Variants in MPPED1 observed in about 807,000 individuals in gnomAD.
The protein encoded by MPPED1 is metallophosphoesterase domain containing 1, also known as metallophosphoesterase domain-containing protein 1.
In MPPED1, 16 loss-of-function variants were observed where a neutral mutation model predicts 36.2. That is an observed-to-expected ratio of 0.44 (90% CI 0.30 to 0.67). The LOEUF is 0.67. Among genes scored for constraint, MPPED1 ranks in the 30% least tolerant of loss-of-function variants. MPPED1 has a pLI of 0.10. For missense variants in MPPED1, 307 were observed against 453.4 expected, an observed-to-expected ratio of 0.68 and a Z score of 2.93; for synonymous variants, 199 against 191.3, an observed-to-expected ratio of 1.04 and a Z score of -0.33.
chr22:43,469,655 A>G (rs938577495), intron 3 of MPPED1, among the ~76,000 whole-genome samples: 1 of 152,196 alleles, frequency 6.6e-6, no homozygotes, highest in Admixed American at 6.5e-5. Flanking sequence ...TAATTGGAGA[A>G]GATTCAGAGA....
chr22:43,500,665 A>G (rs73170014), intron 5 of MPPED1, among the ~76,000 whole-genome samples: 4,825 of 151,372 alleles, frequency 0.032, 100 homozygotes, highest in South Asian at 0.052. Flanking sequence ...ACCCACCATC[A>G]CTCCCTCAGT....
chr22:43,451,557 T>C (rs1930569007), intron 3 of MPPED1, among the ~76,000 whole-genome samples: 1 of 152,256 alleles, frequency 6.6e-6, no homozygotes, highest in Non-Finnish European at 1.5e-5. Context: ...TGGGCTGGTT[T>C]GACAGCCACG....
At chr22:43,494,477 C>T (rs1396944208) in intron 4 of MPPED1, among the ~76,000 whole-genome samples, 1 of 152,176 alleles carries the variant, frequency 6.6e-6, no homozygotes, top group East Asian at 1.9e-4. Context: ...TTTCTACCTC[C>T]ATTGTCACCT....
chr22:43,435,274 G>A (rs986098233), intron 3 of MPPED1, 59 bp downstream of exon 3: 26 of 1,522,726 alleles, frequency 1.7e-5, no homozygotes, highest in Non-Finnish European at 2.3e-5. Flanking sequence ...GCTCCCGCCA[G>A]CTCCCGAGGC....
intron 3 of MPPED1, among the ~76,000 whole-genome samples, chr22:43,467,888 G>A (rs2146876838): frequency 6.6e-6 from 1 of 152,352 alleles, no homozygotes; most frequent in African/African-American, 2.4e-5. Context: ...GAATTTAACA[G>A]ATTATGCAGT....
chr22:43,500,296 T>TGGTGATGGG (rs1932666819), intron 5 of MPPED1, among the ~76,000 whole-genome samples: 3 of 135,514 alleles, frequency 2.2e-5, no homozygotes, highest in Admixed American at 7.3e-5. Context: ...ATGGGGGTGG[T>TGGTGATGGG]GGTGGTGATG....
At chr22:43,501,226 C>A (rs1253182529) in intron 5 of MPPED1, among the ~76,000 whole-genome samples, 1 of 152,174 alleles carries the variant, frequency 6.6e-6, no homozygotes, top group African/African-American at 2.4e-5. Flanking sequence ...GGACGGTTCC[C>A]GTCAACATTC....
chr22:43,495,249 T>C (rs1307874198), intron 4 of MPPED1, among the ~76,000 whole-genome samples: 1 of 133,862 alleles, frequency 7.5e-6, no homozygotes, highest in Admixed American at 7.3e-5. Context: ...GTGGTGGTGA[T>C]GGAGGTGGTG....
At chr22:43,501,369 C>T (rs1932729298) in intron 5 of MPPED1, among the ~76,000 whole-genome samples, 2 of 152,100 alleles carry the variant, frequency 1.3e-5, no homozygotes, top group South Asian at 2.1e-4. Context: ...CTTTCCTCCC[C>T]TCCTCCCTCT....
chr22:43,475,479 G>GTGATAATGGTGATGGTGGTGATGGTGA (rs1931517152), intron 4 of MPPED1, among the ~76,000 whole-genome samples: 1 of 137,340 alleles, frequency 7.3e-6, no homozygotes, highest in East Asian at 2.2e-4. Context: ...GGTGATGATG[G>GTGATAATGGTGATGGTGGTGATGGTGA]TGATGGTGAT....
At chr22:43,504,134 GTAA>G (rs71781115) in intron 6 of MPPED1, among the ~76,000 whole-genome samples, 26,631 of 151,948 alleles carry the variant, frequency 0.18, 2,514 homozygotes, top group African/African-American at 0.24. Flanking sequence ...GATGGTGATA[GTAA>G]TAATGTCAAT....
intron 1 of MPPED1, chr22:43,419,278 G>A (rs1165293131): frequency 2.0e-5 from 3 of 152,276 alleles, no homozygotes; most frequent in Non-Finnish European, 4.4e-5. Context: ...TGTGTTGGGA[G>A]TTTTGTTACA....
chr22:43,467,205 G>GC, intron 3 of MPPED1, among the ~76,000 whole-genome samples: 1 of 152,246 alleles, frequency 6.6e-6, no homozygotes, highest in Non-Finnish European at 1.5e-5. Flanking sequence ...TGCACCCCTT[G>GC]CTGCACTGCC....
At chr22:43,437,217 T>G (rs1929992037) in intron 3 of MPPED1, among the ~76,000 whole-genome samples, 1 of 152,204 alleles carries the variant, frequency 6.6e-6, no homozygotes, top group Non-Finnish European at 1.5e-5. Context: ...CAGAGTTTGG[T>G]GATCATGGCT....
At chr22:43,497,794 C>A (rs1932467904) in intron 4 of MPPED1, among the ~76,000 whole-genome samples, 1 of 144,192 alleles carries the variant, frequency 6.9e-6, no homozygotes, top group Non-Finnish European at 1.5e-5. Context: ...CACACCCCAC[C>A]TGGGGGAGGG....
intron 3 of MPPED1, among the ~76,000 whole-genome samples, chr22:43,472,857 A>G (rs1371357792): frequency 6.6e-6 from 1 of 152,032 alleles, no homozygotes; most frequent in Non-Finnish European, 1.5e-5. Flanking sequence ...GGGGCACTGG[A>G]CCCTTCTATT....
At chr22:43,443,029 T>G (rs1179462142) in intron 3 of MPPED1, among the ~76,000 whole-genome samples, 1 of 152,222 alleles carries the variant, frequency 6.6e-6, no homozygotes, top group African/African-American at 2.4e-5. Flanking sequence ...TGTCCCTGCC[T>G]GGGTGGCCTG....
At position 43,461,197 on chromosome 22, in the gene MPPED1, C is replaced by A. The variant is rs2146867295; in HGVS notation, c.407-13539C>A. ...TGGGCAATATAGCGAAACCTCATCTCTAAAAAAAGACAAGTTCTACAAATG... is the reference window on the plus strand; with the variant it reads ...TGGGCAATATAGCGAAACCTCATCTATAAAAAAAGACAAGTTCTACAAATG... On this transcript the variant is annotated intron_variant, in intron 3 of 6. Transcript: ENST00000443721. Among the ~76,000 whole-genome samples, 2 of 152,146 alleles carry A rather than the reference C, an allele frequency of 1.3e-5. 1 individual carries two copies. Among genetic ancestry groups the A allele is most frequent in the Middle Eastern group, 6.8e-3 (2 of 294 alleles).
At chr22:43,488,732 A>G (rs1931992546) in intron 4 of MPPED1, among the ~76,000 whole-genome samples, 1 of 152,258 alleles carries the variant, frequency 6.6e-6, no homozygotes, top group African/African-American at 2.4e-5. Flanking sequence ...GGCAACTATC[A>G]TTCTGTAAGA....
Sources: allele counts gnomAD v4.1 joint callset (sites outside exome capture counted in the v4.1 genomes callset), GRCh38; gene constraint gnomAD v4.1.1; transcripts MANE v1.5; gene names NCBI Gene and HGNC (gene_info 2026-07-23, HGNC 2026-07-21).